MID1: variants seen among roughly 807,000 people sequenced by gnomAD.
MID1 encodes E3 ubiquitin-protein ligase Midline-1.
MID1 carries 7 observed loss-of-function variants against 40.4 expected under a neutral mutation model. The observed-to-expected ratio is 0.17, with a 90% CI of 0.10 to 0.33. The LOEUF (loss-of-function observed/expected upper bound fraction) is 0.33. Among genes scored for constraint, MID1 ranks in the 10% least tolerant of loss-of-function variants. The pLI, the probability that MID1 is intolerant of heterozygous loss-of-function variation, is 1.00. For missense variants in MID1, 367 were observed against 558.5 expected, an observed-to-expected ratio of 0.66 and a Z score of 3.46; for synonymous variants, 229 against 221.2, an observed-to-expected ratio of 1.04 and a Z score of -0.31.
chrX:10,540,065 G>T (rs1933410112), intron 2 of MID1, among the ~76,000 whole-genome samples: 1 of 112,260 alleles, frequency 8.9e-6, no homozygotes, highest in Non-Finnish European at 1.9e-5. Flanking sequence ...GCTGGCTGTG[G>T]TTGCACATGC....
chrX:10,483,584 C>T (rs1459076475), intron 4 of MID1, among the ~76,000 whole-genome samples: 1 of 111,747 alleles, frequency 8.9e-6, no homozygotes, highest in Non-Finnish European at 1.9e-5. Context: ...AACCACACAC[C>T]CAGGGACAGG....
intron 2 of MID1, among the ~76,000 whole-genome samples, chrX:10,524,872 G>A (rs1054280644): frequency 1.8e-5 from 2 of 112,087 alleles, no homozygotes; most frequent in Non-Finnish European, 3.8e-5. Context: ...GCATGTGGAA[G>A]AATCTTCCAT....
chrX:10,449,537 T>C lies in MID1; in HGVS notation c.1835A>G (p.Asn612Ser), dbSNP rs757366426. ...AGCATCATAAAAGGCGATAGAGCCG[T>C]TATCATAGTCCAGCAGGATGCCCAC... The part of the protein sequence containing the change: ...RRVGILLDYD[N>S]GSIAFYDALN... Residue 612 changes from asparagine to serine, a missense_variant, in exon 10 of 10, where the codon AAC (asparagine) becomes AGC (serine). Asn to Ser is a conservative substitution (Grantham distance 46). Around this residue, in one of 3 missense-constraint regions of MID1, gnomAD observed 275 missense variants for 383.1 expected, o/e 0.72. Coordinates refer to ENST00000317552, the MANE Select transcript of MID1 (RefSeq NM_000381.4). 109 of 1,210,035 alleles carry C rather than the reference T, an allele frequency of 9.0e-5. No individual in the cohort carries two copies. Among genetic ancestry groups the C allele is most frequent in the South Asian group, 1.8e-4 (10 of 56,797 alleles).
intron 1 of MID1, among the ~76,000 whole-genome samples, chrX:10,689,438 T>A (rs2043119161): frequency 9.0e-6 from 1 of 111,289 alleles, no homozygotes; most frequent in South Asian, 3.8e-4. Context: ...ATGATCCACC[T>A]CACCTCCCAT....
chrX:10,592,049 T>C (rs960710559), intron 1 of MID1, among the ~76,000 whole-genome samples: 17 of 110,302 alleles, frequency 1.5e-4, no homozygotes, highest in African/African-American at 5.3e-4. Flanking sequence ...ACTTGGGAAC[T>C]CGTTTTCTTC....
At chrX:10,742,008 A>T in intron 1 of MID1, among the ~76,000 whole-genome samples, 1 of 111,239 alleles carries the variant, frequency 9.0e-6, no homozygotes, top group Non-Finnish European at 1.9e-5. Flanking sequence ...TTTGATATGG[A>T]GACCTCAATT....
chrX:10,804,515 C>A (rs1437755879), intron 1 of MID1, among the ~76,000 whole-genome samples: 1 of 111,839 alleles, frequency 8.9e-6, no homozygotes, highest in Admixed American at 9.6e-5. Context: ...TCCTCCCTCA[C>A]CCATTGTATC....
rs769652241 is a variant in MID1, at chrX:10,545,823, T to G, written c.660+21065A>C. ...CAAGCTGGTGGTTTGTTTTATTGCT[T>G]TTTTAACACTTTTATTTATCAGTTC... On this transcript the variant is annotated intron_variant, in intron 2 of 9. Coordinates refer to ENST00000317552, the MANE Select transcript of MID1 (RefSeq NM_000381.4). 1.2e-4 allele frequency among the ~76,000 whole-genome samples: 13 copies of G among 112,009 alleles called. No homozygotes were observed. The East Asian group carries it at 3.6e-3, about 31-fold the overall frequency.
At chrX:10,726,650 A>G (rs191262051) in intron 1 of MID1, among the ~76,000 whole-genome samples, 75 of 112,844 alleles carry the variant, frequency 6.6e-4, no homozygotes, top group African/African-American at 2.2e-3. Context: ...ATGGCATAAC[A>G]GAACCAAGTC....
chrX:10,567,225 G>A lies in MID1; in HGVS notation c.323C>T (p.Ala108Val). ...SETRRERAFD[A>V]NTMTSAEKVL... ...CTTCTCGGCGGAGGTCATGGTGTTG[G>A]CGTCAAAGGCCCGCTCCCGACGGGT... The change falls in exon 2 of 10, where the codon GCC (alanine) becomes GTC (valine). Residue 108 changes from alanine to valine, a missense_variant. This residue lies in a region of MID1 where 78 missense variants were observed against 112.6 expected (regional missense o/e 0.69). Transcript: ENST00000317552. The A allele has an allele frequency of 8.3e-7, 1 of 1,210,917 alleles. No individual in the cohort carries two copies. The highest frequency in any genetic ancestry group is 1.8e-5 in the South Asian group (1 of 56,930).
intron 1 of MID1, among the ~76,000 whole-genome samples, chrX:10,812,615 CAT>C (rs899161863): frequency 9.0e-6 from 1 of 111,443 alleles, no homozygotes; most frequent in African/African-American, 3.3e-5. Context: ...TTCAGGGACA[CAT>C]GTCTTCACCA....
At chrX:10,782,005 G>C (rs938649430) in intron 1 of MID1, among the ~76,000 whole-genome samples, 2 of 111,695 alleles carry the variant, frequency 1.8e-5, no homozygotes, top group Admixed American at 9.5e-5. Context: ...TTTGTGTGTG[G>C]AACAATGACT....
chrX:10,579,980 G>A (rs1242864348), intron 1 of MID1, among the ~76,000 whole-genome samples: 1 of 110,244 alleles, frequency 9.1e-6, no homozygotes, highest in Non-Finnish European at 1.9e-5. Flanking sequence ...GAACAAAGCC[G>A]GGAGCCTTCT....
intron 1 of MID1, among the ~76,000 whole-genome samples, chrX:10,608,912 G>C (rs1184256783): frequency 8.9e-6 from 1 of 111,886 alleles, no homozygotes; most frequent in Non-Finnish European, 1.9e-5. Context: ...AGGTATAGCT[G>C]TAAGTATAAG....
chrX:10,777,548 CTT>C (rs1181365739), intron 1 of MID1, among the ~76,000 whole-genome samples: 2 of 98,511 alleles, frequency 2.0e-5, no homozygotes. Flanking sequence ...CTTTTCTTTT[CTT>C]TTTTTTTTTA....
At chrX:10,531,186 G>A (rs1352518813) in intron 2 of MID1, among the ~76,000 whole-genome samples, 1 of 111,391 alleles carries the variant, frequency 9.0e-6, no homozygotes, top group Non-Finnish European at 1.9e-5. Context: ...TTTCTTCTAA[G>A]AAACTTTAAT....
At chrX:10,713,536 C>A (rs1452451134) in intron 1 of MID1, among the ~76,000 whole-genome samples, 2 of 111,146 alleles carry the variant, frequency 1.8e-5, no homozygotes, top group Non-Finnish European at 3.8e-5. Flanking sequence ...CCATGTTGCC[C>A]AGGCTGGTCT....
rs181138439 is a variant in MID1, at chrX:10,592,479, C to G, written c.-56-24876G>C. Among the ~76,000 whole-genome samples the G allele has an allele frequency of 3.6e-3, 393 of 108,796 alleles. 2 individuals carry two copies. Among genetic ancestry groups the G allele is most frequent in the African/African-American group, 0.013 (377 of 29,868 alleles). The allele number at this position is 108,796 out of a possible 115,157, so 94.5% of individuals were successfully genotyped here. ...GCATTGCTCCATTTCTTGAAAAATA[C>G]TTTTCAGCTCTAAATGGCAGGTTTA... On this transcript the variant is annotated intron_variant, in intron 1 of 9. Transcript: ENST00000317552.
At chrX:10,630,192 T>C (rs1311729149) in intron 1 of MID1, among the ~76,000 whole-genome samples, 1 of 111,603 alleles carries the variant, frequency 9.0e-6, no homozygotes, top group Non-Finnish European at 1.9e-5. Flanking sequence ...TACCTTCTAG[T>C]GAAGGGAGAT....
Sources: gnomAD v4.1 joint callset for allele counts (sites outside exome capture counted in the v4.1 genomes callset) on GRCh38, gnomAD v4.1.1 for gene constraint, gnomAD v4.1.1 regional missense constraint, MANE v1.5 for transcripts, NCBI Gene and HGNC (gene_info 2026-07-23, HGNC 2026-07-21) for gene names.